MAGI2: variants seen among roughly 807,000 people sequenced by gnomAD.
MAGI2 encodes membrane associated guanylate kinase, WW and PDZ domain containing 2, also known as membrane-associated guanylate kinase, WW and PDZ domain-containing protein 2.
In MAGI2, 35 loss-of-function variants were observed where a neutral mutation model predicts 133.3. That is an observed-to-expected ratio of 0.26 (90% CI 0.20 to 0.35). MAGI2 has a LOEUF of 0.35. MAGI2 is among the 10% of genes least tolerant of loss of function. The pLI, the probability that MAGI2 is intolerant of heterozygous loss-of-function variation, is 1.00. For missense variants in MAGI2, 1,636 were observed against 1,863.4 expected (o/e 0.88, Z 2.25); for synonymous variants, 729 against 710.6 (o/e 1.03, Z -0.41).
chr7:79,177,640 A>G (rs1418799604), intron 1 of MAGI2, among the ~76,000 whole-genome samples: 1 of 152,060 alleles, frequency 6.6e-6, no homozygotes, highest in East Asian at 1.9e-4. Context: ...TGTGTAGGGG[A>G]TATCAAAATG....
intron 2 of MAGI2, among the ~76,000 whole-genome samples, chr7:78,858,393 C>G (rs1241483197): frequency 2.0e-5 from 3 of 152,188 alleles, no homozygotes; most frequent in Admixed American, 6.5e-5. Context: ...GCATTTAGTG[C>G]TATAAATTTC....
intron 2 of MAGI2, among the ~76,000 whole-genome samples, chr7:78,713,125 CT>C (rs1414580156): frequency 6.6e-6 from 1 of 152,072 alleles, no homozygotes; most frequent in Non-Finnish European, 1.5e-5. Flanking sequence ...CTGTGATTTT[CT>C]TATTTTATAA....
chr7:78,238,183 CTTCT>C (rs1271683377), intron 10 of MAGI2, among the ~76,000 whole-genome samples: 2 of 152,090 alleles, frequency 1.3e-5, no homozygotes, highest in African/African-American at 4.8e-5. Context: ...GAATGTTTCT[CTTCT>C]TTATTTGCAC....
intron 1 of MAGI2, among the ~76,000 whole-genome samples, chr7:79,310,188 A>C (rs1316025241): frequency 7.7e-6 from 1 of 129,500 alleles, no homozygotes; most frequent in African/African-American, 3.4e-5. Flanking sequence ...AAAAAAAAAA[A>C]AAAAAAAGAG....
At chr7:78,576,029 T>TA (rs1353254649) in intron 3 of MAGI2, among the ~76,000 whole-genome samples, 1 of 152,122 alleles carries the variant, frequency 6.6e-6, no homozygotes, top group African/African-American at 2.4e-5. Flanking sequence ...CTGTACTATT[T>TA]TTGTACATAA....
chr7:79,418,818 T>A, intron 1 of MAGI2, among the ~76,000 whole-genome samples: 1 of 139,222 alleles, frequency 7.2e-6, no homozygotes, highest in African/African-American at 2.6e-5. Context: ...AAAAAGCAAG[T>A]TCCAATACAC....
At chr7:78,501,971 C>T (rs951177166) in intron 4 of MAGI2, among the ~76,000 whole-genome samples, 184 bp from the exon 5 acceptor site, 3 of 152,286 alleles carry the variant, frequency 2.0e-5, no homozygotes, top group East Asian at 3.9e-4. Context: ...TCGTCATTGT[C>T]ATCTATCTTT....
intron 10 of MAGI2, among the ~76,000 whole-genome samples, chr7:78,244,383 A>G (rs1791536534): frequency 6.6e-6 from 1 of 152,000 alleles, no homozygotes. Flanking sequence ...ATTAATTACT[A>G]TGGAAGAAAT....
At chr7:78,438,903 C>T (rs1362600151) in intron 6 of MAGI2, among the ~76,000 whole-genome samples, 1 of 152,128 alleles carries the variant, frequency 6.6e-6, no homozygotes, top group African/African-American at 2.4e-5. Context: ...TAATCTCTTC[C>T]TGCTCACTAC....
At chr7:79,339,641 C>T (rs1015467852) in intron 1 of MAGI2, among the ~76,000 whole-genome samples, 2 of 152,078 alleles carry the variant, frequency 1.3e-5, no homozygotes, top group African/African-American at 4.8e-5. Flanking sequence ...TATCACCAGC[C>T]ATTTGCGAAA....
At chr7:79,170,678 C>T (rs548236760) in intron 1 of MAGI2, among the ~76,000 whole-genome samples, 2 of 152,116 alleles carry the variant, frequency 1.3e-5, no homozygotes, top group East Asian at 1.9e-4. Flanking sequence ...AATTCAACAA[C>T]CCTTGTCTAA....
At position 78,280,031 on chromosome 7, in the gene MAGI2, A is replaced by T. The variant is rs1020266082; in HGVS notation, c.1409-23450T>A. On this transcript the variant is annotated intron_variant, in intron 9 of 21. Transcript: ENST00000354212. ...TAATCAAACCCAGCTTCACCAGCTG[A>T]AACATGGCAAGTTTGCCGCCTTCAG... 2.0e-5 allele frequency among the ~76,000 whole-genome samples: 3 copies of T among 152,164 alleles called. No individual in the cohort carries two copies. The East Asian group carries it at 5.8e-4, about 29-fold the overall frequency.
intron 9 of MAGI2, among the ~76,000 whole-genome samples, chr7:78,286,444 G>A (rs1366385945): frequency 1.3e-5 from 2 of 152,120 alleles, no homozygotes; most frequent in African/African-American, 2.4e-5. Context: ...CTATTTAGGG[G>A]ATTCAATGAA....
At chr7:78,087,128 C>A (rs759661209) in intron 20 of MAGI2, among the ~76,000 whole-genome samples, 8 of 152,120 alleles carry the variant, frequency 5.3e-5, no homozygotes, top group Non-Finnish European at 2.9e-5. Context: ...GGGTTGGGTG[C>A]CTTTTCTGTG....
At chr7:78,639,975 C>T (rs944232014) in intron 2 of MAGI2, among the ~76,000 whole-genome samples, 13 of 152,170 alleles carry the variant, frequency 8.5e-5, no homozygotes, top group Non-Finnish European at 2.9e-5. Flanking sequence ...AGCGGGGGTG[C>T]AGGAGGCAGA....
chr7:79,090,018 T>A (rs1168247562), intron 1 of MAGI2, among the ~76,000 whole-genome samples: 1 of 151,836 alleles, frequency 6.6e-6, no homozygotes, highest in Non-Finnish European at 1.5e-5. Context: ...AAAAGAAAAT[T>A]ACATCTACAT....
chr7:78,230,572 T>C (rs1215817222), intron 10 of MAGI2, among the ~76,000 whole-genome samples: 4 of 152,242 alleles, frequency 2.6e-5, no homozygotes, highest in African/African-American at 9.6e-5. Context: ...TTAATGATTT[T>C]CCAAATTTCT....
intron 1 of MAGI2, among the ~76,000 whole-genome samples, chr7:79,172,037 C>T (rs1441756487): frequency 1.3e-5 from 2 of 151,658 alleles, no homozygotes; most frequent in South Asian, 2.1e-4. Flanking sequence ...TCCTTCTAAA[C>T]CACCCAGCAG....
intron 6 of MAGI2, among the ~76,000 whole-genome samples, chr7:78,417,417 C>G (rs1251597137): frequency 6.6e-6 from 1 of 152,050 alleles, no homozygotes; most frequent in Non-Finnish European, 1.5e-5. Flanking sequence ...TGATAGCCTT[C>G]CCTGAGCTGC....
Sources: gnomAD v4.1 joint callset for allele counts (sites outside exome capture counted in the v4.1 genomes callset) on GRCh38, gnomAD v4.1.1 for gene constraint, MANE v1.5 for transcripts, NCBI Gene and HGNC (gene_info 2026-07-23, HGNC 2026-07-21) for gene names.